EYA2: variants seen among roughly 807,000 people sequenced by gnomAD.
EYA2 encodes protein phosphatase EYA2.
A neutral mutation model predicts 69.2 loss-of-function variants in EYA2; 31 were observed. The ratio of observed to expected loss-of-function variants is 0.45; its 90% CI spans 0.34 to 0.60. The LOEUF is 0.60. Among genes scored for constraint, EYA2 ranks in the 20% least tolerant of loss-of-function variants. The probability of loss-of-function intolerance (pLI) is 0.02; values close to 1 mark genes in which losing one functional copy is unlikely to be tolerated. For missense variants in EYA2, 622 were observed against 701.2 expected, an observed-to-expected ratio of 0.89 and a Z score of 1.28; for synonymous variants, 257 against 279.4, an observed-to-expected ratio of 0.92 and a Z score of 0.80.
At chr20:47,042,303 C>T (rs552191411) in intron 5 of EYA2, among the ~76,000 whole-genome samples, 35 of 152,292 alleles carry the variant, frequency 2.3e-4, no homozygotes, top group Admixed American at 6.5e-4. Context: ...AGCCGTCTAA[C>T]TCCAGACTCC....
intron 5 of EYA2, among the ~76,000 whole-genome samples, chr20:47,031,933 C>T (rs1984442712): frequency 6.6e-6 from 1 of 152,170 alleles, no homozygotes. Context: ...AAGTCCCTGC[C>T]CTGCTAATTC....
chr20:47,014,335 C>G (rs543176812), intron 4 of EYA2, among the ~76,000 whole-genome samples: 65 of 152,182 alleles, frequency 4.3e-4, no homozygotes, highest in Non-Finnish European at 8.2e-4. Context: ...GAGGAAATTT[C>G]AATACAAAAA....
chr20:46,976,479 G>A lies in EYA2; in HGVS notation c.-10-13522G>A, dbSNP rs1332033921. 3.9e-5 allele frequency among the ~76,000 whole-genome samples: 6 copies of A among 152,188 alleles called. No individual in the cohort carries two copies. The South Asian group carries it at 6.2e-4, about 16-fold the overall frequency. On this transcript the variant is annotated intron_variant, in intron 1 of 15. Transcript: ENST00000327619. ...AGGCTCACTGCAAACTCCGCCTCCC[G>A]GGTTCACGCCATTCTCCTGCCTCAG...
chr20:46,995,368 C>G (rs1399974220), intron 2 of EYA2, among the ~76,000 whole-genome samples: 4 of 152,096 alleles, frequency 2.6e-5, no homozygotes, highest in Non-Finnish European at 5.9e-5. Context: ...TATAGACTCC[C>G]TAAAATCATC....
At chr20:46,977,359 CAGG>C (rs1254301431) in intron 1 of EYA2, among the ~76,000 whole-genome samples, 2 of 152,202 alleles carry the variant, frequency 1.3e-5, no homozygotes, top group East Asian at 1.9e-4. Flanking sequence ...CTTATCTCAG[CAGG>C]AGGAGGCACA....
chr20:47,109,639 T>G (rs56299142), intron 9 of EYA2, among the ~76,000 whole-genome samples: 24,124 of 152,120 alleles, frequency 0.16, 2,319 homozygotes, highest in Non-Finnish European at 0.21. Context: ...TGCCTCAGCC[T>G]CCCAAAGTGC....
chr20:47,100,024 T>C (rs1289656877), intron 9 of EYA2, among the ~76,000 whole-genome samples: 1 of 141,256 alleles, frequency 7.1e-6, no homozygotes, highest in African/African-American at 3.2e-5. Flanking sequence ...TTTGGTTTGG[T>C]TTGGTTTGGT....
intron 5 of EYA2, among the ~76,000 whole-genome samples, chr20:47,059,158 G>A (rs1419243149): frequency 1.3e-5 from 2 of 152,158 alleles, no homozygotes; most frequent in Non-Finnish European, 2.9e-5. Flanking sequence ...TAACACCCGA[G>A]GTGCAGGATG....
chr20:47,186,808 T>C (rs1457432356), intron 15 of EYA2, among the ~76,000 whole-genome samples: 3 of 152,240 alleles, frequency 2.0e-5, no homozygotes, highest in Non-Finnish European at 2.9e-5. Context: ...TTTCTTTACA[T>C]TCTTCCTAAG....
At position 47,188,727 on chromosome 20, in the gene EYA2, G is replaced by T; in HGVS notation, c.*594G>T. 5.4e-6 allele frequency: 1 copy of T among 184,026 alleles called. No individual in the cohort carries two copies. The highest frequency in any genetic ancestry group is 5.6e-5 in the Admixed American group (1 of 18,002). The allele number at this position is 184,026 out of a possible 1,614,324, so 11.4% of individuals were successfully genotyped here. ...TTTAAAGACCTACTTGACGTCATGTGGACAGTGCACGTGCCTTACGCTACA... is the reference window on the plus strand; with the variant it reads ...TTTAAAGACCTACTTGACGTCATGTTGACAGTGCACGTGCCTTACGCTACA... On this transcript the variant is annotated 3_prime_UTR_variant, in exon 16 of 16. Coordinates refer to ENST00000327619, the MANE Select transcript of EYA2 (RefSeq NM_005244.5).
intron 1 of EYA2, among the ~76,000 whole-genome samples, chr20:46,981,384 T>C (rs1980824321): frequency 6.6e-6 from 1 of 152,260 alleles, no homozygotes; most frequent in African/African-American, 2.4e-5. Flanking sequence ...CCAGTGCCTG[T>C]AGCTGTAGCT....
chr20:46,991,481 C>G (rs1440541693), intron 2 of EYA2, among the ~76,000 whole-genome samples: 1 of 152,188 alleles, frequency 6.6e-6, no homozygotes, highest in African/African-American at 2.4e-5. Context: ...GTTAAATGTA[C>G]CATTCCATTG....
intron 1 of EYA2, among the ~76,000 whole-genome samples, chr20:46,925,324 TC>T (rs1479437310): frequency 6.6e-6 from 1 of 152,196 alleles, no homozygotes; most frequent in Non-Finnish European, 1.5e-5. Flanking sequence ...AAGAAAAGAT[TC>T]ATGACTGGCC....
chr20:47,178,906 C>A (rs775563760), intron 12 of EYA2, among the ~76,000 whole-genome samples: 2 of 149,836 alleles, frequency 1.3e-5, no homozygotes, highest in South Asian at 2.1e-4. Flanking sequence ...CTATTATTTT[C>A]TCCCTATGGT....
At chr20:46,948,338 A>T (rs1206752) in intron 1 of EYA2, among the ~76,000 whole-genome samples, 76,462 of 151,964 alleles carry the variant, frequency 0.5, 20,516 homozygotes, top group African/African-American at 0.68. Flanking sequence ...CCAGTAAAAC[A>T]TTATTTATAA....
chr20:46,921,069 G>A (rs1985156637), intron 1 of EYA2, among the ~76,000 whole-genome samples: 1 of 152,158 alleles, frequency 6.6e-6, no homozygotes, highest in Admixed American at 6.5e-5. Context: ...AGGCTTGGAG[G>A]CTGGGTAGAT....
chr20:47,045,151 C>T (rs2029966987), intron 5 of EYA2, among the ~76,000 whole-genome samples: 1 of 152,122 alleles, frequency 6.6e-6, no homozygotes, highest in African/African-American at 2.4e-5. Context: ...AGGTGGTTTT[C>T]CACTCTTCCT....
chr20:47,024,704 A>G (rs1319556900), intron 5 of EYA2, among the ~76,000 whole-genome samples: 1 of 152,228 alleles, frequency 6.6e-6, no homozygotes. Flanking sequence ...TGGAAACTCT[A>G]TCCTGGGGCA....
chr20:47,056,830 A>G (rs1472826926), intron 5 of EYA2, among the ~76,000 whole-genome samples: 1 of 152,096 alleles, frequency 6.6e-6, no homozygotes, highest in Non-Finnish European at 1.5e-5. Flanking sequence ...AGATTGCTTG[A>G]GCCCAGAAGT....
Sources: gnomAD v4.1 joint callset for allele counts (sites outside exome capture counted in the v4.1 genomes callset) on GRCh38, gnomAD v4.1.1 for gene constraint, MANE v1.5 for transcripts, NCBI Gene and HGNC (gene_info 2026-07-23, HGNC 2026-07-21) for gene names.